The following KCNIP4 variants were observed in gnomAD, a reference collection of about 807,000 sequenced individuals.
KCNIP4 encodes the protein Kv channel-interacting protein 4.
A neutral mutation model predicts 34.0 loss-of-function variants in KCNIP4; 12 were observed. The ratio of observed to expected loss-of-function variants is 0.35; its 90% confidence interval spans 0.23 to 0.57. KCNIP4 has a LOEUF of 0.57. Among genes scored for constraint, KCNIP4 ranks in the 20% least tolerant of loss-of-function variants. KCNIP4 has a pLI of 0.83. For missense variants in KCNIP4, 238 were observed against 311.7 expected, an observed-to-expected ratio of 0.76 and a Z score of 1.78; for synonymous variants, 124 against 102.2, an observed-to-expected ratio of 1.21 and a Z score of -1.29.
chr4:20,732,847 GCT>G (rs1748662878), intron 6 of KCNIP4, 62 bp from the exon 7 acceptor site: 2 of 994,230 alleles, frequency 2.0e-6, no homozygotes, highest in African/African-American at 1.6e-5. Context: ...AGTCTAAGAA[GCT>G]CTGACAGATT....
intron 1 of KCNIP4, among the ~76,000 whole-genome samples, chr4:21,853,865 G>T (rs1303046144): frequency 6.6e-6 from 1 of 152,208 alleles, no homozygotes; most frequent in East Asian, 1.9e-4. Context: ...TTATTCATCT[G>T]TCAAATAAAG....
chr4:21,814,456 T>G (rs1001462470), intron 1 of KCNIP4, among the ~76,000 whole-genome samples: 1 of 152,162 alleles, frequency 6.6e-6, no homozygotes, highest in Non-Finnish European at 1.5e-5. Context: ...GGAGTTTCCC[T>G]GCACAAGCTC....
chr4:21,194,771 C>T (rs1407545713), intron 1 of KCNIP4, among the ~76,000 whole-genome samples: 1 of 152,168 alleles, frequency 6.6e-6, no homozygotes, highest in Non-Finnish European at 1.5e-5. Context: ...GAACATCAGT[C>T]AGCCCAGGTT....
intron 1 of KCNIP4, among the ~76,000 whole-genome samples, chr4:21,690,099 T>C (rs1333854619): frequency 6.8e-6 from 1 of 147,610 alleles, no homozygotes; most frequent in Non-Finnish European, 1.5e-5. Context: ...CATATATATG[T>C]ATATATATAC....
chr4:21,633,798 A>AAATT (rs1202241339), intron 1 of KCNIP4, among the ~76,000 whole-genome samples: 2 of 152,298 alleles, frequency 1.3e-5, no homozygotes, highest in East Asian at 3.9e-4. Flanking sequence ...TTTAAGATAT[A>AAATT]AAGTTAGTAC....
chr4:21,117,655 A>T (rs1184660332), intron 1 of KCNIP4, among the ~76,000 whole-genome samples: 1 of 152,112 alleles, frequency 6.6e-6, no homozygotes, highest in Non-Finnish European at 1.5e-5. Context: ...TTTCACGTGG[A>T]CAGGGGCCGT....
At chr4:21,132,919 A>G (rs1560751352) in intron 1 of KCNIP4, among the ~76,000 whole-genome samples, 1 of 151,340 alleles carries the variant, frequency 6.6e-6, no homozygotes, top group Non-Finnish European at 1.5e-5. Context: ...ACGCTGAGGC[A>G]GGAGAATTGC....
At chr4:21,407,069 T>A (rs982224468) in intron 1 of KCNIP4, among the ~76,000 whole-genome samples, 1 of 152,168 alleles carries the variant, frequency 6.6e-6, no homozygotes, top group Non-Finnish European at 1.5e-5. Flanking sequence ...CCTTAAATGA[T>A]TTTTATGACC....
intron 1 of KCNIP4, among the ~76,000 whole-genome samples, chr4:21,037,211 T>G (rs569974300): frequency 6.6e-6 from 1 of 152,096 alleles, no homozygotes; most frequent in Admixed American, 6.6e-5. Context: ...AGAAAAAATA[T>G]TCTTATAAAT....
chr4:20,741,685 C>G (rs1320062722), intron 5 of KCNIP4, among the ~76,000 whole-genome samples: 2 of 152,106 alleles, frequency 1.3e-5, no homozygotes, highest in African/African-American at 4.8e-5. Flanking sequence ...CAAACACATT[C>G]AAAAGCTAGC....
chr4:21,103,748 C>T (rs57528517), intron 1 of KCNIP4, among the ~76,000 whole-genome samples: 1 of 124,920 alleles, frequency 8.0e-6, no homozygotes, highest in African/African-American at 3.2e-5. Context: ...CCCCACCACA[C>T]AACAGGCCCC....
In KCNIP4 at chr4:21,654,570, A is replaced by C. The variant is rs1577767332; in HGVS notation, c.61+294001T>G. Among the ~76,000 whole-genome samples, 10 of 151,986 alleles carry C rather than the reference A, an allele frequency of 6.6e-5. No homozygotes were observed. In the South Asian group the frequency reaches 1.9e-3, roughly 28 times the overall value. ...ATAAAAGGGCTGTGCCATCTTGTTCATCATCACCCAAGTACCTGGGGAAAC... is the reference window on the plus strand; with the variant it reads ...ATAAAAGGGCTGTGCCATCTTGTTCCTCATCACCCAAGTACCTGGGGAAAC... On this transcript the variant is annotated intron_variant, in intron 1 of 8. Transcript: ENST00000382152.
chr4:21,713,921 A>G (rs1394435498), intron 1 of KCNIP4, among the ~76,000 whole-genome samples: 2 of 152,220 alleles, frequency 1.3e-5, no homozygotes, highest in East Asian at 3.9e-4. Context: ...AAAAAATTAT[A>G]AAATTCAACG....
chr4:21,946,050 C>T (rs532925038), intron 1 of KCNIP4, among the ~76,000 whole-genome samples: 3 of 148,584 alleles, frequency 2.0e-5, no homozygotes, highest in Admixed American at 6.8e-5. Context: ...GAGTACGGAA[C>T]GAACTTTTTA....
At chr4:21,013,578 G>T (rs1233936107) in intron 1 of KCNIP4, among the ~76,000 whole-genome samples, 1 of 152,118 alleles carries the variant, frequency 6.6e-6, no homozygotes, top group Non-Finnish European at 1.5e-5. Flanking sequence ...CTGCAGCCTT[G>T]ACACTGGAAG....
At chr4:21,387,551 T>C (rs948415459) in intron 1 of KCNIP4, among the ~76,000 whole-genome samples, 4 of 152,208 alleles carry the variant, frequency 2.6e-5, no homozygotes, top group African/African-American at 9.6e-5. Flanking sequence ...ATTAAAATTA[T>C]ACCTTAAAAA....
At chr4:20,830,094 G>T (rs1273271643) in intron 3 of KCNIP4, among the ~76,000 whole-genome samples, 1 of 152,098 alleles carries the variant, frequency 6.6e-6, no homozygotes, top group Non-Finnish European at 1.5e-5. Context: ...TAGTCAAAAA[G>T]GTCAGAGTCA....
At chr4:21,495,657 T>A (rs1219965093) in intron 1 of KCNIP4, among the ~76,000 whole-genome samples, 1 of 152,128 alleles carries the variant, frequency 6.6e-6, no homozygotes, top group Non-Finnish European at 1.5e-5. Flanking sequence ...TTGCACTTCC[T>A]TCCTGTACAG....
rs527294725 is a variant in KCNIP4, at chr4:21,664,378, A to G, written c.61+284193T>C. Among the ~76,000 whole-genome samples the G allele has an allele frequency of 7.2e-5, 11 of 151,924 alleles. No homozygotes were observed. In the South Asian group the frequency reaches 2.3e-3, roughly 32 times the overall value. On this transcript the variant is annotated intron_variant, in intron 1 of 8. Transcript: ENST00000382152. ...CAAACAAAAAACAGAGGCAACCAAA[A>G]CAAACACTCTCCCTAACCTACTTCT...
Sources: gnomAD v4.1 joint callset for allele counts (sites outside exome capture counted in the v4.1 genomes callset) on GRCh38, gnomAD v4.1.1 for gene constraint, MANE v1.5 for transcripts, NCBI Gene and HGNC (gene_info 2026-07-23, HGNC 2026-07-21) for gene names.